TNIK: variants seen among roughly 807,000 people sequenced by gnomAD.
TNIK encodes TRAF2 and NCK-interacting protein kinase.
Under a neutral mutation model 191.3 loss-of-function variants are expected in TNIK, and 49 were observed. The observed-to-expected ratio is 0.26, with a 90% CI of 0.20 to 0.32. The LOEUF is 0.32. Ranked by LOEUF, TNIK falls within the 10% of genes least tolerant of loss-of-function variation. The probability of loss-of-function intolerance (pLI) is 1.00; values close to 1 mark genes in which losing one functional copy is unlikely to be tolerated. For synonymous variants in TNIK, 594 were observed against 600.9 expected, an observed-to-expected ratio of 0.99 and a Z score of 0.17; for missense variants, 1,155 against 1,702.3, an observed-to-expected ratio of 0.68 and a Z score of 5.66.
At chr3:171,277,854 T>C (rs1749947599) in intron 2 of TNIK, among the ~76,000 whole-genome samples, 1 of 152,196 alleles carries the variant, frequency 6.6e-6, no homozygotes, top group African/African-American at 2.4e-5. Flanking sequence ...ATGTTATCTA[T>C]AGCCAAGCTG....
intron 12 of TNIK, among the ~76,000 whole-genome samples, chr3:171,144,052 C>T (rs1481230073): frequency 9.9e-5 from 15 of 152,156 alleles, no homozygotes; most frequent in Non-Finnish European, 1.6e-4. Flanking sequence ...TCAAATTATA[C>T]ATAATGAAGA....
intron 1 of TNIK, among the ~76,000 whole-genome samples, chr3:171,426,513 C>A (rs537762357): frequency 2.0e-5 from 3 of 151,976 alleles, no homozygotes; most frequent in East Asian, 3.9e-4. Flanking sequence ...ATGTAACAAA[C>A]CTGCACGTTG....
intron 2 of TNIK, among the ~76,000 whole-genome samples, chr3:171,336,972 G>A (rs1340896954): frequency 6.6e-6 from 1 of 152,122 alleles, no homozygotes; most frequent in Non-Finnish European, 1.5e-5. Context: ...TCCTTTCCCT[G>A]TGGAAGCCTC....
intron 2 of TNIK, among the ~76,000 whole-genome samples, chr3:171,300,729 A>T (rs1157252623): frequency 6.6e-6 from 1 of 152,086 alleles, no homozygotes; most frequent in Non-Finnish European, 1.5e-5. Flanking sequence ...TCTTTTTATG[A>T]TTTTCTCAAC....
intron 2 of TNIK, among the ~76,000 whole-genome samples, chr3:171,237,624 A>G (rs1744439634): frequency 6.6e-6 from 1 of 152,202 alleles, no homozygotes; most frequent in Non-Finnish European, 1.5e-5. Flanking sequence ...AAACTTATAT[A>G]CCTAAAACAT....
intron 18 of TNIK, among the ~76,000 whole-genome samples, chr3:171,113,734 A>C (rs977057962): frequency 6.6e-6 from 1 of 152,016 alleles, no homozygotes; most frequent in Non-Finnish European, 1.5e-5. Flanking sequence ...AGCAGTATTC[A>C]TTCACTCAGT....
intron 9 of TNIK, among the ~76,000 whole-genome samples, chr3:171,174,865 T>A (rs1176938373): frequency 6.6e-5 from 10 of 152,180 alleles, no homozygotes; most frequent in Non-Finnish European, 1.3e-4. Context: ...GGAATGATTG[T>A]TGTAAGGAAT....
At chr3:171,261,979 A>C (rs1257679022) in intron 2 of TNIK, among the ~76,000 whole-genome samples, 1 of 152,146 alleles carries the variant, frequency 6.6e-6, no homozygotes, top group Non-Finnish European at 1.5e-5. Flanking sequence ...ACTAGGATCA[A>C]ATATGAATAC....
rs56197442 is a variant in TNIK, at chr3:171,165,828, A to G, written c.949+1267T>C. ...CACTGCCTTTCACTGCTATCCTCCC[A>G]GCAGCAACCCCCTCCTGCTGTCTAC... is the stretch of plus-strand genomic sequence containing the variant. On this transcript the variant is annotated intron_variant, in intron 10 of 32. Coordinates refer to ENST00000436636, the MANE Select transcript of TNIK (RefSeq NM_015028.4). 6.9e-3 allele frequency among the ~76,000 whole-genome samples: 1,054 copies of G among 152,176 alleles called. 2 individuals carry two copies. The highest frequency in any genetic ancestry group is 0.011 in the Non-Finnish European group (740 of 67,994).
At chr3:171,446,962 G>A (rs1358827470) in intron 1 of TNIK, among the ~76,000 whole-genome samples, 2 of 152,194 alleles carry the variant, frequency 1.3e-5, no homozygotes, top group Non-Finnish European at 2.9e-5. Context: ...AAGCTGAGGC[G>A]GGCGGATCAC....
At chr3:171,298,618 G>T (rs1752570183) in intron 2 of TNIK, among the ~76,000 whole-genome samples, 1 of 152,170 alleles carries the variant, frequency 6.6e-6, no homozygotes, top group Non-Finnish European at 1.5e-5. Flanking sequence ...GACATGAGTT[G>T]CAGATGTTGT....
chr3:171,210,810 A>T (rs1468226415), intron 4 of TNIK, among the ~76,000 whole-genome samples: 3 of 151,844 alleles, frequency 2.0e-5, no homozygotes, highest in Non-Finnish European at 4.4e-5. Flanking sequence ...GTAAATACCA[A>T]GGCACCTAAA....
chr3:171,430,467 C>A (rs1194246630), intron 1 of TNIK, among the ~76,000 whole-genome samples: 1 of 151,444 alleles, frequency 6.6e-6, no homozygotes, highest in East Asian at 1.9e-4. Context: ...TAGGGAGGGT[C>A]TGTCTCTCAA....
At chr3:171,100,746 G>GA (rs111353325) in intron 22 of TNIK, among the ~76,000 whole-genome samples, 149 of 92,914 alleles carry the variant, frequency 1.6e-3, no homozygotes, top group East Asian at 9.7e-3. Flanking sequence ...TCCTCACCTT[G>GA]AAAAAAAAAA....
intron 2 of TNIK, among the ~76,000 whole-genome samples, chr3:171,270,455 G>C (rs2109185415): frequency 6.6e-6 from 1 of 152,294 alleles, no homozygotes; most frequent in East Asian, 1.9e-4. Context: ...AGAGGCCAGA[G>C]AGAAAATGCC....
At chr3:171,204,343 GATTAT>G (rs1739800790) in intron 4 of TNIK, among the ~76,000 whole-genome samples, 1 of 152,194 alleles carries the variant, frequency 6.6e-6, no homozygotes. Context: ...GATTCGTACA[GATTAT>G]AATTCAATCA....
At chr3:171,294,019 G>A (rs1350612849) in intron 2 of TNIK, among the ~76,000 whole-genome samples, 3 of 152,154 alleles carry the variant, frequency 2.0e-5, no homozygotes, top group African/African-American at 7.2e-5. Flanking sequence ...GAGGTCAGGA[G>A]TTCAAGACCA....
intron 1 of TNIK, among the ~76,000 whole-genome samples, chr3:171,401,008 T>C (rs1720883798): frequency 6.6e-6 from 1 of 152,128 alleles, no homozygotes; most frequent in Non-Finnish European, 1.5e-5. Flanking sequence ...CTCACAGGGT[T>C]GAGACAAACA....
At chr3:171,413,088 A>G (rs1470192405) in intron 1 of TNIK, among the ~76,000 whole-genome samples, 2 of 152,238 alleles carry the variant, frequency 1.3e-5, no homozygotes, top group Non-Finnish European at 2.9e-5. Context: ...TGCAGTATTC[A>G]TAACTCAGGG....
Sources: allele counts gnomAD v4.1 joint callset (sites outside exome capture counted in the v4.1 genomes callset), GRCh38; gene constraint gnomAD v4.1.1; transcripts MANE v1.5; gene names NCBI Gene and HGNC (gene_info 2026-07-23, HGNC 2026-07-21).